Variants in TPCN1 observed in about 807,000 individuals in gnomAD.
The protein encoded by TPCN1 is two pore channel protein 1.
TPCN1 carries 52 observed loss-of-function variants against 108.8 expected under a neutral mutation model. The observed-to-expected ratio is 0.48, with a 90% CI of 0.38 to 0.60. The LOEUF (loss-of-function observed/expected upper bound fraction) is 0.60. Among genes scored for constraint, TPCN1 ranks in the 20% least tolerant of loss-of-function variants. The pLI is 0.00. For synonymous variants in TPCN1, 446 were observed against 433.7 expected (o/e 1.03, Z -0.35); for missense variants, 806 against 1,072.8 (o/e 0.75, Z 3.47).
rs200810984 is a variant in TPCN1 at position 113,234,539 on chromosome 12, T to C, written c.112+7575T>C. 4.3e-4 allele frequency among the ~76,000 whole-genome samples: 65 copies of C among 152,320 alleles called. No homozygotes were observed. The East Asian group carries it at 0.012, about 27-fold the overall frequency. On this transcript the variant is annotated intron_variant, in intron 2 of 27. Transcript: ENST00000335509. ...GAGCCAGATAACTAAATTGGGACCATTGGTGCTTGTGTTGCCTTTTGTACC... is the reference window on the plus strand; with the variant it reads ...GAGCCAGATAACTAAATTGGGACCACTGGTGCTTGTGTTGCCTTTTGTACC...
intron 2 of TPCN1, among the ~76,000 whole-genome samples, chr12:113,252,701 C>T (rs544284390): frequency 1.6e-4 from 24 of 152,314 alleles, no homozygotes; most frequent in Non-Finnish European, 3.2e-4. Context: ...CTCACGAGGA[C>T]GCAGCTCCAT....
chr12:113,253,234 CA>C (rs1954714844), intron 2 of TPCN1, among the ~76,000 whole-genome samples: 1 of 152,102 alleles, frequency 6.6e-6, no homozygotes, highest in Non-Finnish European at 1.5e-5. Flanking sequence ...CAGATAGATA[CA>C]ATGTATTTAG....
rs1202371154 is a variant in TPCN1 at position 113,284,624 on chromosome 12, AT to A, written c.1389del (p.Phe463LeufsTer3). The A allele has an allele frequency of 6.2e-7, 1 of 1,614,084 alleles. No individual in the cohort carries two copies. The highest frequency in any genetic ancestry group is 8.5e-7 in the Non-Finnish European group (1 of 1,180,054). On this transcript the variant is annotated frameshift_variant, in exon 16 of 28. Coordinates refer to ENST00000335509, the MANE Select transcript of TPCN1 (RefSeq NM_017901.6). LOFTEE classifies it high-confidence loss of function. The surrounding 1 kb of genome is among the most constrained non-coding windows in gnomAD (Gnocchi z 4.1). ...VNGVWILVETFMLKGGNFFSK... is the reference protein window; with the variant it reads ...VNGVWILVETXMLKGGNFFSK... ...ACGGGGTCTGGATCCTCGTGGAGACATTTATGCTGAAAGGTGAGCCCCGCTC... is the reference window on the plus strand; with the variant it reads ...ACGGGGTCTGGATCCTCGTGGAGACATTATGCTGAAAGGTGAGCCCCGCTC...
intron 25 of TPCN1, chr12:113,292,310 G>A (rs557993983): frequency 4.7e-5 from 14 of 299,940 alleles, no homozygotes; most frequent in Non-Finnish European, 7.6e-5. Context: ...TCATCTCCAC[G>A]TTTCTCAATA....
Position 113,266,262 on chromosome 12 carries a change from T to A in TPCN1, c.320T>A (p.Leu107His). The A allele has an allele frequency of 6.2e-7, 1 of 1,613,958 alleles. No homozygotes were observed. The highest frequency in any genetic ancestry group is 8.5e-7 in the Non-Finnish European group (1 of 1,180,014). Residue 107 changes from leucine to histidine, a missense_variant, in exon 4 of 28, where the codon CTC becomes CAC. Physicochemically the swap from Leu to His is moderately conservative, Grantham distance 99. Coordinates refer to ENST00000335509, the MANE Select transcript of TPCN1 (RefSeq NM_017901.6). This position sits in a 1 kb window ranked among gnomAD's most constrained non-coding sequence, Gnocchi z 4.2. ...GCCTACCTCTTTGCACACAATCACCTCTTCTACCTGATGGAGCTGGCCACG... is the reference window on the plus strand; with the variant it reads ...GCCTACCTCTTTGCACACAATCACCACTTCTACCTGATGGAGCTGGCCACG... ...LAAYLFAHNH[L>H]FYLMELATAL... is the part of the protein sequence containing the mutation.
chr12:113,279,161 A>G (rs1253767486), intron 14 of TPCN1, among the ~76,000 whole-genome samples: 1 of 151,052 alleles, frequency 6.6e-6, no homozygotes, highest in East Asian at 1.9e-4. Flanking sequence ...AGTAAATGGA[A>G]ATTTACCACC....
In TPCN1 at chr12:113,273,434, GC is replaced by G; in HGVS notation, c.843-132del. ...ACAGGGTTGGCCCACTGAGCACGGA[GC>G]CCAGGGATGAGAGTAGGGGAACCAG... On this transcript the variant is annotated intron_variant, in intron 9 of 27. Coordinates refer to ENST00000335509, the MANE Select transcript of TPCN1 (RefSeq NM_017901.6). The surrounding 1 kb of genome is among the most constrained non-coding windows in gnomAD (Gnocchi z 4.0). 1 of 1,243,006 alleles carries G rather than the reference GC, an allele frequency of 8.0e-7. No homozygotes were observed. Among genetic ancestry groups the G allele is most frequent in the Non-Finnish European group, 1.2e-6 (1 of 847,182 alleles). The allele number at this position is 1,243,006 out of a possible 1,614,324, so 77.0% of individuals were successfully genotyped here.
At chr12:113,230,044 A>G (rs1255384616) in intron 2 of TPCN1, among the ~76,000 whole-genome samples, 1 of 152,174 alleles carries the variant, frequency 6.6e-6, no homozygotes, top group Non-Finnish European at 1.5e-5. Flanking sequence ...AAGTCAGTCT[A>G]GAATCCCTTT....
rs945107602 is a variant in TPCN1, at chr12:113,288,699, T to C, written c.1707-59T>C. On this transcript the variant is annotated intron_variant, in intron 20 of 27. Coordinates refer to ENST00000335509, the MANE Select transcript of TPCN1 (RefSeq NM_017901.6). This position sits in a 1 kb window ranked among gnomAD's most constrained non-coding sequence, Gnocchi z 4.8. ...CCCACGGGTCCGAGGAGGCCGGGGCTGCAGAGGAGCCGTTCCCTCCTGCCG... is the reference window on the plus strand; with the variant it reads ...CCCACGGGTCCGAGGAGGCCGGGGCCGCAGAGGAGCCGTTCCCTCCTGCCG... The C allele has an allele frequency of 1.2e-6, 2 of 1,600,492 alleles. No individual in the cohort carries two copies. The highest frequency in any genetic ancestry group is 2.7e-5 in the African/African-American group (2 of 74,876).
intron 22 of TPCN1, among the ~76,000 whole-genome samples, chr12:113,290,473 C>G (rs1426150577): frequency 6.6e-6 from 1 of 152,198 alleles, no homozygotes; most frequent in African/African-American, 2.4e-5. Flanking sequence ...TTTCTCAGTA[C>G]CGGGGAGGAC....
chr12:113,274,956 C>T (rs908891938), intron 10 of TPCN1, among the ~76,000 whole-genome samples: 17 of 152,180 alleles, frequency 1.1e-4, no homozygotes, highest in Admixed American at 3.3e-4. Context: ...TGAAGGAGAA[C>T]GTAAAGCCTC....
intron 2 of TPCN1, among the ~76,000 whole-genome samples, chr12:113,233,751 A>G (rs1340233423): frequency 6.6e-6 from 1 of 152,108 alleles, no homozygotes; most frequent in Non-Finnish European, 1.5e-5. Flanking sequence ...TGCTGCTATC[A>G]TTTGGTCCTC....
At chr12:113,291,557 G>A (rs1956268545) in intron 23 of TPCN1, 52 bp from the exon 24 acceptor site, 1 of 1,531,524 alleles carries the variant, frequency 6.5e-7, no homozygotes. Context: ...GTGTAGACGG[G>A]GACCTGCCCT....
chr12:113,225,791 G>A (rs1457715504), intron 1 of TPCN1, among the ~76,000 whole-genome samples: 3 of 151,442 alleles, frequency 2.0e-5, no homozygotes, highest in Non-Finnish European at 1.5e-5. Flanking sequence ...CCTGACCTCA[G>A]GATCCGCCCG....
At chr12:113,247,890 A>C (rs1434411299) in intron 2 of TPCN1, among the ~76,000 whole-genome samples, 12 of 152,248 alleles carry the variant, frequency 7.9e-5, no homozygotes, top group Middle Eastern at 6.8e-3. Context: ...CCACATGAGC[A>C]CTCCAAGTCC....
intron 3 of TPCN1, among the ~76,000 whole-genome samples, chr12:113,265,654 C>T (rs1027615642): frequency 3.3e-5 from 5 of 151,058 alleles, no homozygotes; most frequent in African/African-American, 1.2e-4. Flanking sequence ...TCAAGTGATT[C>T]TCCAACCTCA....
chr12:113,264,071 C>CT (rs201517348), intron 3 of TPCN1, among the ~76,000 whole-genome samples: 2,279 of 149,394 alleles, frequency 0.015, 39 homozygotes, highest in African/African-American at 0.052. Flanking sequence ...CCAAGAAATA[C>CT]ATTTTTTTTT....
At chr12:113,252,851 T>C (rs1593124029) in intron 2 of TPCN1, among the ~76,000 whole-genome samples, 1 of 152,198 alleles carries the variant, frequency 6.6e-6, no homozygotes, top group African/African-American at 2.4e-5. Context: ...GAAATGAGCA[T>C]TGGGATCAGG....
intron 10 of TPCN1, among the ~76,000 whole-genome samples, chr12:113,276,430 A>G (rs927548621): frequency 2.6e-5 from 4 of 152,150 alleles, no homozygotes; most frequent in South Asian, 2.1e-4. Flanking sequence ...CACGTGAAGC[A>G]GTGACTCACA....
Sources: allele counts gnomAD v4.1 joint callset (sites outside exome capture counted in the v4.1 genomes callset), GRCh38; gene constraint gnomAD v4.1.1; non-coding constraint Gnocchi (gnomAD v3.1); transcripts MANE v1.5; gene names NCBI Gene and HGNC (gene_info 2026-07-23, HGNC 2026-07-21).